Variants in KCNK5 observed in about 807,000 individuals in gnomAD.
KCNK5 encodes the protein potassium channel subfamily K member 5.
Under a neutral mutation model 32.9 loss-of-function variants are expected in KCNK5, and 18 were observed. The observed-to-expected ratio is 0.55, with a 90% CI of 0.38 to 0.81. KCNK5 has a LOEUF of 0.81. Ranked by LOEUF, KCNK5 falls within the 30% of genes least tolerant of loss-of-function variation. KCNK5 has a pLI of 0.00. For missense variants in KCNK5, 507 were observed against 651.0 expected (o/e 0.78, Z 2.41); for synonymous variants, 276 against 275.3 (o/e 1.00, Z -0.03).
At chr6:39,206,004 C>T (rs1397037099) in intron 1 of KCNK5, among the ~76,000 whole-genome samples, 1 of 152,322 alleles carries the variant, frequency 6.6e-6, no homozygotes, top group East Asian at 1.9e-4. Flanking sequence ...CCTCTTCCAC[C>T]GTCTAATCTG....
intron 1 of KCNK5, among the ~76,000 whole-genome samples, chr6:39,202,219 C>T (rs558789214): frequency 1.1e-4 from 17 of 152,226 alleles, no homozygotes; most frequent in African/African-American, 1.9e-4. Flanking sequence ...CTGGCCTCAA[C>T]TAACTTGTCC....
At chr6:39,207,336 T>C (rs953473460) in intron 1 of KCNK5, among the ~76,000 whole-genome samples, 1 of 152,254 alleles carries the variant, frequency 6.6e-6, no homozygotes, top group Admixed American at 6.5e-5. Flanking sequence ...GAGAGACTCA[T>C]GGATCCCTTA....
intron 1 of KCNK5, among the ~76,000 whole-genome samples, chr6:39,199,782 C>T (rs980973878): frequency 6.6e-6 from 1 of 152,216 alleles, no homozygotes; most frequent in Non-Finnish European, 1.5e-5. Context: ...CACCCAAGTG[C>T]TGGTGGAGAG....
intron 1 of KCNK5, among the ~76,000 whole-genome samples, chr6:39,196,622 C>A (rs1771036241): frequency 6.6e-6 from 1 of 152,220 alleles, no homozygotes; most frequent in African/African-American, 2.4e-5. Context: ...GCATGCAAAT[C>A]AGCAGGTCCT....
intron 1 of KCNK5, among the ~76,000 whole-genome samples, chr6:39,207,606 G>A (rs945693063): frequency 6.8e-6 from 1 of 146,402 alleles, no homozygotes; most frequent in Non-Finnish European, 1.5e-5. Context: ...GCGGACTCTG[G>A]AACCATCAGG....
chr6:39,225,093 C>T (rs1348915696), intron 1 of KCNK5, among the ~76,000 whole-genome samples: 2 of 152,016 alleles, frequency 1.3e-5, no homozygotes, highest in East Asian at 1.9e-4. Flanking sequence ...ACCAGACCCT[C>T]GTTAAGCGAC....
chr6:39,205,950 C>T (rs1771217278), intron 1 of KCNK5, among the ~76,000 whole-genome samples: 1 of 152,214 alleles, frequency 6.6e-6, no homozygotes, highest in African/African-American at 2.4e-5. Context: ...AGCATTTCCC[C>T]ACCAAAACCC....
rs147451811 is a variant in KCNK5 at position 39,191,171 on chromosome 6, C to T, written c.1219G>A (p.Ala407Thr). The T allele has an allele frequency of 3.4e-3, 5,408 of 1,614,206 alleles. 16 individuals carry two copies. The highest frequency in any genetic ancestry group is 3.3e-3 in the Non-Finnish European group (3,893 of 1,180,036). ...AAGATGAGTGGGTGGTAGTCCTGGG[C>T]GTCCCATGGCTCGCATTCCTCGCTG... ...RISEECEPWDAQDYHPLIFQD... is the reference protein window; with the variant it reads ...RISEECEPWDTQDYHPLIFQD... The change falls in exon 5 of 5, where the codon GCC becomes ACC. Residue 407 changes from alanine to threonine, a missense_variant. Coordinates refer to ENST00000359534, the MANE Select transcript of KCNK5 (RefSeq NM_003740.4). This position sits in a 1 kb window ranked among gnomAD's most constrained non-coding sequence, Gnocchi z 5.8.
At chr6:39,195,564 C>T (rs1771015469) in intron 2 of KCNK5, among the ~76,000 whole-genome samples, 1 of 152,252 alleles carries the variant, frequency 6.6e-6, no homozygotes, top group Non-Finnish European at 1.5e-5. Context: ...CTGAAACAGA[C>T]ACCCAGCTTG....
rs1334245380 is a variant in KCNK5 at position 39,189,850 on chromosome 6, G to C, written c.*1040C>G. On this transcript the variant is annotated 3_prime_UTR_variant, in exon 5 of 5. Coordinates refer to ENST00000359534, the MANE Select transcript of KCNK5 (RefSeq NM_003740.4). The stretch of plus-strand genomic sequence containing the variant: ...CATATCTGACCATCACCCATTTGTG[G>C]GCCAAGAGCAATTTGGCCTCACCCT... The C allele has an allele frequency of 6.6e-6, 1 of 152,574 alleles. No homozygotes were observed. Among genetic ancestry groups the C allele is most frequent in the African/African-American group, 2.4e-5 (1 of 41,470 alleles). The allele number at this position is 152,574 out of a possible 1,614,324, so 9.5% of individuals were successfully genotyped here.
chr6:39,228,367 CG>C (rs1385185667), intron 1 of KCNK5, among the ~76,000 whole-genome samples: 1 of 152,170 alleles, frequency 6.6e-6, no homozygotes, highest in East Asian at 1.9e-4. Flanking sequence ...CCCGTGGGTT[CG>C]GGCCCCACAG....
chr6:39,206,718 G>T (rs1771231574), intron 1 of KCNK5, among the ~76,000 whole-genome samples: 1 of 152,062 alleles, frequency 6.6e-6, no homozygotes, highest in Non-Finnish European at 1.5e-5. Flanking sequence ...GCCACATCTG[G>T]GTTCAAAATC....
At chr6:39,207,223 C>T (rs1003725976) in intron 1 of KCNK5, among the ~76,000 whole-genome samples, 7 of 152,312 alleles carry the variant, frequency 4.6e-5, no homozygotes, top group East Asian at 3.9e-4. Flanking sequence ...GTCCCGCTCC[C>T]GCTCCTCACC....
At position 39,229,402 on chromosome 6, in the gene KCNK5, C is replaced by T; in HGVS notation, c.-291G>A. 2.2e-6 allele frequency: 1 copy of T among 457,432 alleles called. No homozygotes were observed. The highest frequency in any genetic ancestry group is 4.0e-6 in the Non-Finnish European group (1 of 248,366). 28.3% of individuals were successfully genotyped at this position (457,432 alleles called of 1,614,324 possible). A position where few individuals can be genotyped will look rare whatever the true frequency, so the allele number is the denominator to read the frequency against. On this transcript the variant is annotated 5_prime_UTR_variant, in exon 1 of 5. The change creates a new upstream start codon in the 5' untranslated region. Coordinates refer to ENST00000359534, the MANE Select transcript of KCNK5 (RefSeq NM_003740.4). ...GGATGCGTAAGGAGCGGGAAGAACA[C>T]AGGACTTGACTCTGGGCAGACACGT...
intron 1 of KCNK5, among the ~76,000 whole-genome samples, chr6:39,218,070 C>CTT (rs796153225): frequency 6.0e-4 from 78 of 130,362 alleles, no homozygotes; most frequent in African/African-American, 1.0e-3. Flanking sequence ...ACTTACAGGC[C>CTT]TTTTTTTTTT....
chr6:39,216,535 C>T (rs1210886840), intron 1 of KCNK5, among the ~76,000 whole-genome samples: 1 of 152,178 alleles, frequency 6.6e-6, no homozygotes, highest in Admixed American at 6.5e-5. Flanking sequence ...TAGGATACGG[C>T]AGCCTCTACT....
chr6:39,224,801 C>T (rs1017101277), intron 1 of KCNK5, among the ~76,000 whole-genome samples: 19 of 152,174 alleles, frequency 1.2e-4, no homozygotes, highest in Admixed American at 6.5e-4. Flanking sequence ...CAGCAAGAAA[C>T]CTGCAGTCTG....
intron 4 of KCNK5, among the ~76,000 whole-genome samples, chr6:39,193,630 A>T (rs1362345434): frequency 2.6e-5 from 4 of 152,202 alleles, no homozygotes; most frequent in African/African-American, 7.2e-5. Context: ...GCAGGGGAGG[A>T]GTAGGAGGGA....
At chr6:39,205,769 A>T (rs1771214002) in intron 1 of KCNK5, among the ~76,000 whole-genome samples, 1 of 152,142 alleles carries the variant, frequency 6.6e-6, no homozygotes, top group African/African-American at 2.4e-5. Flanking sequence ...TTCCTCCATA[A>T]GGCTGTGGGT....
Sources: allele counts gnomAD v4.1 joint callset (sites outside exome capture counted in the v4.1 genomes callset), GRCh38; gene constraint gnomAD v4.1.1; non-coding constraint Gnocchi (gnomAD v3.1); transcripts MANE v1.5; gene names NCBI Gene and HGNC (gene_info 2026-07-23, HGNC 2026-07-21).